CCDC169: variants seen among roughly 807,000 people sequenced by gnomAD.
CCDC169 encodes the protein coiled-coil domain containing 169, also known as coiled-coil domain-containing protein 169.
Under a neutral mutation model 36.0 loss-of-function variants are expected in CCDC169, and 30 were observed. The observed-to-expected ratio is 0.83, with a 90% CI of 0.62 to 1.13. The LOEUF (loss-of-function observed/expected upper bound fraction) is 1.13. Among genes scored for constraint, CCDC169 ranks in the 50% most tolerant of loss-of-function variants. The probability of loss-of-function intolerance (pLI) is 0.00; values close to 1 mark genes in which losing one functional copy is unlikely to be tolerated. For missense variants in CCDC169, 245 were observed against 245.9 expected (o/e 1.00, Z 0.03); for synonymous variants, 85 against 81.5 (o/e 1.04, Z -0.23).
downstream of CCDC169, among the ~76,000 whole-genome samples, chr13:36,228,257 G>GT (rs1870062116): frequency 6.6e-6 from 1 of 152,116 alleles, no homozygotes; most frequent in South Asian, 2.1e-4. Flanking sequence ...CAAAGTGGCT[G>GT]TATCACTTTA....
At chr13:36,222,606 G>A (rs1218455191), downstream of CCDC169, 3 of 152,234 alleles carry the variant, frequency 2.0e-5, no homozygotes, top group Middle Eastern at 3.4e-3. Context: ...TCTGTGGGGT[G>A]AAGCTCACTC....
At chr13:36,237,589 G>T (rs2183048) in intron 7 of CCDC169, among the ~76,000 whole-genome samples, 61,594 of 151,918 alleles carry the variant, frequency 0.41, 13,254 homozygotes, top group Non-Finnish European at 0.48. Context: ...CCAAAAACTG[G>T]AATATTACTC....
At chr13:36,291,984 GTCT>G (rs1271117107) in intron 2 of CCDC169, among the ~76,000 whole-genome samples, 2 of 146,258 alleles carry the variant, frequency 1.4e-5, no homozygotes, top group Non-Finnish European at 3.0e-5. Context: ...TTGTCAATAA[GTCT>G]TCTTTTTTTT....
At chr13:36,272,686 G>A (rs1876262287) in intron 4 of CCDC169, among the ~76,000 whole-genome samples, 1 of 152,128 alleles carries the variant, frequency 6.6e-6, no homozygotes, top group African/African-American at 2.4e-5. Flanking sequence ...GAGTAGGGCA[G>A]GAGAAGAGAG....
chr13:36,251,310 G>A (rs1045653139), intron 6 of CCDC169, among the ~76,000 whole-genome samples: 7 of 152,226 alleles, frequency 4.6e-5, no homozygotes, highest in African/African-American at 1.7e-4. Context: ...TCCAATCACC[G>A]TAGTATCCAC....
rs79088857 is a variant in CCDC169 at position 36,283,250 on chromosome 13, ATGCTC to A, written c.315+214_315+218del. On this transcript the variant is annotated intron_variant, in intron 4 of 7. Transcript: ENST00000239859. The stretch of plus-strand genomic sequence containing the variant: ...GTGATTCAAAAAGCAATATCTATAC[ATGCTC>A]TGCTCTTCAGGACACCTGTGAATAT... 3.1e-4 allele frequency: 177 copies of A among 578,972 alleles called. No homozygotes were observed. In the East Asian group the frequency reaches 4.9e-3, roughly 16 times the overall value. The allele number at this position is 578,972 out of a possible 1,614,324, so 35.9% of individuals were successfully genotyped here. A position where few individuals can be genotyped will look rare whatever the true frequency, so the allele number is the denominator to read the frequency against.
intron 2 of CCDC169, among the ~76,000 whole-genome samples, 162 bp from the exon 3 acceptor site, chr13:36,283,864 G>A (rs1317369680): frequency 1.3e-5 from 2 of 152,122 alleles, no homozygotes; most frequent in African/African-American, 4.8e-5. Flanking sequence ...ATTTCTGTTA[G>A]TAAGATTTTC....
intron 6 of CCDC169, among the ~76,000 whole-genome samples, chr13:36,251,738 C>A (rs915702082): frequency 1.2e-4 from 19 of 152,054 alleles, no homozygotes; most frequent in Non-Finnish European, 2.5e-4. Flanking sequence ...CAGGGAGGAA[C>A]CTACAGCTGA....
chr13:36,292,989 C>T (rs1879085332), intron 2 of CCDC169, among the ~76,000 whole-genome samples: 1 of 152,110 alleles, frequency 6.6e-6, no homozygotes, highest in Admixed American at 6.6e-5. Context: ...ATGGGTAGCT[C>T]TGTTGGTAGA....
In CCDC169 at chr13:36,231,250, C is replaced by T; in HGVS notation, c.588G>A (p.Lys196=). 1 of 1,551,438 alleles carries T rather than the reference C, an allele frequency of 6.4e-7. No homozygotes were observed. The highest frequency in any genetic ancestry group is 1.7e-4 in the Middle Eastern group (1 of 5,990). Residue 196 remains lysine, a synonymous_variant, in exon 8 of 8, where the codon AAG becomes AAA. Coordinates refer to ENST00000239859, the MANE Select transcript of CCDC169 (RefSeq NM_001144981.3). ...NPAKQKTVSA[K]RGPVKKITRP... is the part of the protein sequence containing the mutation. ...TTGTAATCTTTTTTACTGGTCCTCT[C>T]TTGGCACTCACTGTCTTCTGCTTAG...
At chr13:36,290,118 G>A (rs1012582575) in intron 2 of CCDC169, among the ~76,000 whole-genome samples, 8 of 152,036 alleles carry the variant, frequency 5.3e-5, no homozygotes, top group Admixed American at 5.2e-4. Context: ...ATCTAAAGAA[G>A]GCAGTGACTC....
intron 4 of CCDC169, among the ~76,000 whole-genome samples, chr13:36,269,940 G>GAA (rs3083967): frequency 0.25 from 38,664 of 151,976 alleles, 5,175 homozygotes; most frequent in East Asian, 0.49. Flanking sequence ...TCGGGCAAGA[G>GAA]AGAAATAAAG....
chr13:36,273,318 A>C (rs767277704), intron 4 of CCDC169, among the ~76,000 whole-genome samples: 9 of 152,120 alleles, frequency 5.9e-5, no homozygotes, highest in Non-Finnish European at 5.9e-5. Flanking sequence ...AATTATACCC[A>C]CAGTTTTCCA....
At chr13:36,236,231 C>T (rs1374706787) in intron 7 of CCDC169, among the ~76,000 whole-genome samples, 3 of 151,952 alleles carry the variant, frequency 2.0e-5, no homozygotes, top group South Asian at 4.1e-4. Flanking sequence ...TTGGAGTACT[C>T]GCACTTCTTG....
At chr13:36,288,629 T>G (rs1878525580) in intron 2 of CCDC169, among the ~76,000 whole-genome samples, 1 of 152,190 alleles carries the variant, frequency 6.6e-6, no homozygotes. Context: ...TCAGGATTTC[T>G]TGCTTCCTAA....
chr13:36,232,268 C>A (rs1244448512), intron 7 of CCDC169, among the ~76,000 whole-genome samples: 1 of 152,158 alleles, frequency 6.6e-6, no homozygotes, highest in African/African-American at 2.4e-5. Context: ...TCCTTTAACA[C>A]CTATTTCATT....
chr13:36,223,383 G>A (rs1869711800), downstream of CCDC169: 1 of 152,052 alleles, frequency 6.6e-6, no homozygotes, highest in South Asian at 2.1e-4. Context: ...CTTACGACTG[G>A]GTAGTTCTCC....
chr13:36,297,801 C>T lies in CCDC169; in HGVS notation c.-82G>A, dbSNP rs1010546284. 10 of 1,325,602 alleles carry T rather than the reference C, an allele frequency of 7.5e-6. No individual in the cohort carries two copies. The highest frequency in any genetic ancestry group is 5.8e-5 in the African/African-American group (4 of 68,894). 82.1% of individuals were successfully genotyped at this position (1,325,602 alleles called of 1,614,324 possible). On this transcript the variant is annotated 5_prime_UTR_variant, in exon 1 of 8. Transcript: ENST00000239859. ...ATTAAGGGCCACCCAGAAGCCAGTA[C>T]GGCACGAGGCGGTGAACCCCAACCG...
intron 7 of CCDC169, among the ~76,000 whole-genome samples, chr13:36,248,180 T>C (rs895949105): frequency 6.6e-6 from 1 of 152,132 alleles, no homozygotes; most frequent in African/African-American, 2.4e-5. Flanking sequence ...ACAGTAATGG[T>C]ATAAAAAAAA....
Sources: allele counts gnomAD v4.1 joint callset (sites outside exome capture counted in the v4.1 genomes callset), GRCh38; gene constraint gnomAD v4.1.1; transcripts MANE v1.5; gene names NCBI Gene and HGNC (gene_info 2026-07-23, HGNC 2026-07-21).